RYR3: variants seen among roughly 807,000 people sequenced by gnomAD.
RYR3 encodes the protein ryanodine receptor 3.
In RYR3, 207 loss-of-function variants were observed where a neutral mutation model predicts 584.3. The ratio of observed to expected loss-of-function variants is 0.35; its 90% CI spans 0.32 to 0.40. The LOEUF is 0.40. RYR3 is among the 10% of genes least tolerant of loss of function. RYR3 has a pLI of 1.00. For synonymous variants in RYR3, 2,416 were observed against 2,248.5 expected, an observed-to-expected ratio of 1.07 and a Z score of -2.11; for missense variants, 5,616 against 6,089.2, an observed-to-expected ratio of 0.92 and a Z score of 2.59.
intron 3 of RYR3, among the ~76,000 whole-genome samples, chr15:33,506,706 C>G (rs2052516260): frequency 6.6e-6 from 1 of 152,174 alleles, no homozygotes; most frequent in African/African-American, 2.4e-5. Context: ...TACTAGAACC[C>G]TCTTGGAACT....
chr15:33,671,805 CTTTTTTTTT>C (rs56206846), intron 38 of RYR3, among the ~76,000 whole-genome samples: 1,171 of 80,338 alleles, frequency 0.015, 14 homozygotes, highest in Middle Eastern at 0.034. Flanking sequence ...CCTTCTTTTT[CTTTTTTTTT>C]TTTTTTTTTT....
rs1489067675 is a variant in RYR3 at position 33,623,789 on chromosome 15, G to A, written c.2358-18G>A. The A allele has an allele frequency of 1.3e-6, 2 of 1,542,694 alleles. No individual in the cohort carries two copies. The highest frequency in any genetic ancestry group is 2.2e-5 in the South Asian group (2 of 89,010). ...TTTTTTTTTTAACCTCTGTATTTCT[G>A]CTATCTTCAAATGACAGAGTACGTT... On this transcript the variant is annotated intron_variant, in intron 19 of 103. Coordinates refer to ENST00000634891, the MANE Select transcript of RYR3 (RefSeq NM_001036.6).
At chr15:33,677,070 T>C (rs920357811) in intron 38 of RYR3, among the ~76,000 whole-genome samples, 4 of 152,320 alleles carry the variant, frequency 2.6e-5, no homozygotes, top group South Asian at 2.1e-4. Flanking sequence ...GCTCCCATTT[T>C]ATGCACTAGG....
chr15:33,806,045 A>G (rs2076191458), intron 69 of RYR3, among the ~76,000 whole-genome samples: 2 of 150,954 alleles, frequency 1.3e-5, no homozygotes, highest in Admixed American at 1.3e-4. Context: ...AGACCGACTT[A>G]CAGAAAGTCT....
intron 1 of RYR3, among the ~76,000 whole-genome samples, chr15:33,423,495 A>G (rs995116543): frequency 6.6e-6 from 1 of 152,184 alleles, no homozygotes; most frequent in African/African-American, 2.4e-5. Context: ...TCCTTTGGAT[A>G]TATACCTAGA....
intron 67 of RYR3, among the ~76,000 whole-genome samples, chr15:33,789,804 A>T (rs2075032046): frequency 1.5e-5 from 2 of 130,754 alleles, no homozygotes; most frequent in African/African-American, 5.8e-5. Flanking sequence ...CCTCGTGAGT[A>T]GCTGGGATTA....
chr15:33,533,527 G>A, intron 5 of RYR3, 138 bp downstream of exon 5: 1 of 600,064 alleles, frequency 1.7e-6, no homozygotes, highest in Non-Finnish European at 3.0e-6. Flanking sequence ...AAAAATTGCA[G>A]AATAATGAAC....
At chr15:33,542,531 C>T (rs2055905347) in intron 7 of RYR3, among the ~76,000 whole-genome samples, 1 of 152,114 alleles carries the variant, frequency 6.6e-6, no homozygotes, top group South Asian at 2.1e-4. Flanking sequence ...TGGAAGGAGA[C>T]TTCTGAATAT....
At chr15:33,381,232 A>G (rs183512650) in intron 1 of RYR3, among the ~76,000 whole-genome samples, 2 of 152,220 alleles carry the variant, frequency 1.3e-5, no homozygotes, top group East Asian at 3.9e-4. Context: ...GAGAAAAGTG[A>G]TCTTAGAAAT....
rs146094075 is a variant in RYR3 at position 33,344,311 on chromosome 15, T to G, written c.51+33215T>G. Among the ~76,000 whole-genome samples, 677 of 152,302 alleles carry G rather than the reference T, an allele frequency of 4.4e-3. 2 individuals are homozygous for G. Among genetic ancestry groups the G allele is most frequent in the Middle Eastern group, 0.01 (3 of 294 alleles). ...CAAATGTGTTTTGCTGACATTGGGTTGAGTCATGAAAAGTAATTTCTTCCT... is the reference window on the plus strand; with the variant it reads ...CAAATGTGTTTTGCTGACATTGGGTGGAGTCATGAAAAGTAATTTCTTCCT... On this transcript the variant is annotated intron_variant, in intron 1 of 103. Coordinates refer to ENST00000634891, the MANE Select transcript of RYR3 (RefSeq NM_001036.6).
rs373688734 is a variant in RYR3 at position 33,635,787 on chromosome 15, G to A, written c.3349G>A (p.Asp1117Asn). 64 of 1,613,176 alleles carry A rather than the reference G, an allele frequency of 4.0e-5. No homozygotes were observed. The East Asian group carries it at 1.0e-3, about 26-fold the overall frequency. Residue 1117 changes from aspartate to asparagine, a missense_variant, in exon 26 of 104, where the codon GAT (aspartate) becomes AAT (asparagine). Transcript: ENST00000634891. ...GCRPDVELGADDQAFVFEGNR... is the reference protein window; with the variant it reads ...GCRPDVELGANDQAFVFEGNR... Reference sequence around the variant, plus strand: ...TCGACCTGATGTCGAGCTGGGGGCCGATGACCAAGCCTTTGTGTTTGAAGG... The same window carrying A: ...TCGACCTGATGTCGAGCTGGGGGCCAATGACCAAGCCTTTGTGTTTGAAGG...
At chr15:33,652,265 G>A (rs1331106299) in intron 31 of RYR3, among the ~76,000 whole-genome samples, 1 of 152,128 alleles carries the variant, frequency 6.6e-6, no homozygotes, top group Non-Finnish European at 1.5e-5. Context: ...GTTTTCAAGT[G>A]TTTTACAGCC....
intron 27 of RYR3, among the ~76,000 whole-genome samples, chr15:33,641,581 C>T (rs1277291416): frequency 4.6e-5 from 7 of 152,170 alleles, no homozygotes; most frequent in Non-Finnish European, 7.4e-5. Flanking sequence ...GTTATCGAAT[C>T]GTTTTCTCCA....
At position 33,644,466 on chromosome 15, in the gene RYR3, A is replaced by G. The variant is rs1235871520; in HGVS notation, c.3712A>G (p.Ser1238Gly). The G allele has an allele frequency of 6.2e-7, 1 of 1,613,962 alleles. No individual in the cohort carries two copies. Among genetic ancestry groups the G allele is most frequent in the Non-Finnish European group, 8.5e-7 (1 of 1,179,866 alleles). Reference sequence around the variant, plus strand: ...GAACAGAGATGTTGCTATGTGGTTCAGCAAGCGCCTCCCGACGTTTGTCAA... The same window carrying G: ...GAACAGAGATGTTGCTATGTGGTTCGGCAAGCGCCTCCCGACGTTTGTCAA... The part of the protein sequence containing the change: ...NMNRDVAMWF[S>G]KRLPTFVNVP... The change falls in exon 28 of 104, where the codon AGC becomes GGC. Residue 1238 changes from serine (S) to glycine (G), a missense_variant. By Grantham distance (56) the Ser-to-Gly change is moderately conservative (BLOSUM62 0). This residue lies in a region of RYR3 where 152 missense variants were observed against 200.9 expected (regional missense o/e 0.76). Coordinates refer to ENST00000634891, the MANE Select transcript of RYR3 (RefSeq NM_001036.6).
rs892480886 is a variant in RYR3 at position 33,837,770 on chromosome 15, A to C, written c.11790A>C (p.Glu3930Asp). Residue 3930 changes from glutamate (E) to aspartate (D), a missense_variant, in exon 89 of 104, where the codon GAA becomes GAC. Glu to Asp is a conservative substitution (Grantham distance 45). Around this residue, in one of 9 missense-constraint regions of RYR3, gnomAD observed 258 missense variants for 297.3 expected, o/e 0.87. Coordinates refer to ENST00000634891, the MANE Select transcript of RYR3 (RefSeq NM_001036.6). ...TAACCAGCTCAGACACCTTCAAAGAATATGACCCAGATGGTAAAGGAATTA... is the reference window on the plus strand; with the variant it reads ...TAACCAGCTCAGACACCTTCAAAGACTATGACCCAGATGGTAAAGGAATTA... Reference protein sequence around the residue: ...KDLTSSDTFKEYDPDGKGIIS... With the variant: ...KDLTSSDTFKDYDPDGKGIIS... The C allele has an allele frequency of 6.2e-7, 1 of 1,613,990 alleles. No homozygotes were observed. The highest frequency in any genetic ancestry group is 8.5e-7 in the Non-Finnish European group (1 of 1,179,882).
At chr15:33,660,161 G>T (rs2063069590) in intron 33 of RYR3, 36 bp from the exon 34 acceptor site, 2 of 1,426,720 alleles carry the variant, frequency 1.4e-6, no homozygotes, top group African/African-American at 2.8e-5. Context: ...CAGCAACTGT[G>T]TGTTTCTTTT....
intron 1 of RYR3, among the ~76,000 whole-genome samples, chr15:33,357,745 C>G (rs963799920): frequency 6.6e-6 from 1 of 152,128 alleles, no homozygotes; most frequent in Non-Finnish European, 1.5e-5. Context: ...AAGAAACAAC[C>G]TGTTCCTTCA....
At chr15:33,694,873 A>G (rs540750116) in intron 38 of RYR3, among the ~76,000 whole-genome samples, 75 of 152,360 alleles carry the variant, frequency 4.9e-4, no homozygotes, top group African/African-American at 1.8e-3. Context: ...CAGGGTTGAT[A>G]GACACAGCAG....
intron 70 of RYR3, 95 bp from the exon 71 acceptor site, chr15:33,810,384 C>A: frequency 3.1e-6 from 4 of 1,275,784 alleles, no homozygotes; most frequent in Non-Finnish European, 3.3e-6. Flanking sequence ...CCTATACTGA[C>A]AGGGCCACAA....
Sources: allele counts gnomAD v4.1 joint callset (sites outside exome capture counted in the v4.1 genomes callset), GRCh38; gene constraint gnomAD v4.1.1; regional missense constraint gnomAD v4.1.1; transcripts MANE v1.5; gene names NCBI Gene and HGNC (gene_info 2026-07-23, HGNC 2026-07-21).